The following CYP2C8 variants were observed in gnomAD, a reference collection of about 807,000 sequenced individuals.
CYP2C8 encodes cytochrome P450 family 2 subfamily C member 8, also known as cytochrome P450 2C8.
A neutral mutation model predicts 41.3 loss-of-function variants in CYP2C8; 51 were observed. The ratio of observed to expected loss-of-function variants is 1.24; its 90% CI spans 0.99 to 1.56. CYP2C8 has a LOEUF of 1.56. Ranked by LOEUF, CYP2C8 falls within the 40% of genes most tolerant of loss-of-function variation. The probability of loss-of-function intolerance (pLI) is 0.00; values close to 1 mark genes in which losing one functional copy is unlikely to be tolerated. For synonymous variants in CYP2C8, 218 were observed against 205.8 expected (o/e 1.06, Z -0.51); for missense variants, 651 against 579.9 (o/e 1.12, Z -1.26).
chr10:95,040,200 A>G (rs1299570308), intron 7 of CYP2C8, among the ~76,000 whole-genome samples: 3 of 152,220 alleles, frequency 2.0e-5, no homozygotes, highest in African/African-American at 7.2e-5. Flanking sequence ...GTGTAAAAGA[A>G]AAATCTTTGT....
At position 95,043,064 on chromosome 10, in the gene CYP2C8, T is replaced by C; in HGVS notation, c.975A>G (p.Glu325=). Residue 325 remains glutamate, a synonymous_variant, in exon 7 of 9, where the codon GAA becomes GAG. Coordinates refer to ENST00000371270, the MANE Select transcript of CYP2C8 (RefSeq NM_000770.3). ...KHPEVTAKVQ[E]EIDHVIGRHR... ...GTCTGCCAATTACATGATCAATCTC[T>C]TCCTGGACTTTAGCTGACAAGACAC... 9 of 1,614,098 alleles carry C rather than the reference T, an allele frequency of 5.6e-6. No homozygotes were observed. The highest frequency in any genetic ancestry group is 6.8e-6 in the Non-Finnish European group (8 of 1,179,948).
chr10:95,048,131 T>A (rs1027006668), intron 5 of CYP2C8, among the ~76,000 whole-genome samples: 1 of 152,218 alleles, frequency 6.6e-6, no homozygotes, highest in South Asian at 2.1e-4. Context: ...TGTGTGCGTG[T>A]TTGTGAGTTG....
intron 5 of CYP2C8, among the ~76,000 whole-genome samples, chr10:95,051,756 A>G (rs927611003): frequency 3.3e-5 from 5 of 152,238 alleles, no homozygotes; most frequent in African/African-American, 1.2e-4. Flanking sequence ...AAATTGAAAA[A>G]TTTCTTGAAA....
rs754570400 is a variant in CYP2C8 at position 95,064,951 on chromosome 10, C to T, written c.491G>A (p.Cys164Tyr). The change falls in exon 4 of 9, where the codon TGT (cysteine) becomes TAT (tyrosine). Residue 164 changes from cysteine to tyrosine, a missense_variant. Physicochemically the swap from Cys to Tyr is radical, Grantham distance 194 (BLOSUM62 -2). Coordinates refer to ENST00000371270, the MANE Select transcript of CYP2C8 (RefSeq NM_000770.3). ...ACAGCCCAGGATGAAAGTGGGATCACAGGGTGAAGCTAAAGATTTAAAAAT... is the reference window on the plus strand; with the variant it reads ...ACAGCCCAGGATGAAAGTGGGATCATAGGGTGAAGCTAAAGATTTAAAAAT... ...EELRKTKASP[C>Y]DPTFILGCAP... is the part of the protein sequence containing the mutation. 31 of 1,531,862 alleles carry T rather than the reference C, an allele frequency of 2.0e-5. No individual in the cohort carries two copies. Among genetic ancestry groups the T allele is most frequent in the Middle Eastern group, 2.2e-4 (1 of 4,498 alleles). The allele number at this position is 1,531,862 out of a possible 1,614,324, so 94.9% of individuals were successfully genotyped here.
chr10:95,048,695 G>A (rs2098029602), intron 5 of CYP2C8, among the ~76,000 whole-genome samples: 1 of 152,164 alleles, frequency 6.6e-6, no homozygotes, highest in Non-Finnish European at 1.5e-5. Context: ...CAGCTAGGAG[G>A]TGGTTCTTGC....
rs941530941 is a variant in CYP2C8 at position 95,065,095 on chromosome 10, G to A, written c.482-135C>T. 6.5e-6 allele frequency: 5 copies of A among 772,004 alleles called. No homozygotes were observed. In the African/African-American group the frequency reaches 9.2e-5, roughly 14 times the overall value. 47.8% of individuals were successfully genotyped at this position (772,004 alleles called of 1,614,324 possible). On this transcript the variant is annotated intron_variant, in intron 3 of 8. Coordinates refer to ENST00000371270, the MANE Select transcript of CYP2C8 (RefSeq NM_000770.3). ...TTCCCCATGTGTCCAAAAAAAATCAGCATGGATGAAATAAACACATTACTT... is the reference window on the plus strand; with the variant it reads ...TTCCCCATGTGTCCAAAAAAAATCAACATGGATGAAATAAACACATTACTT...
rs994231972 is a variant in CYP2C8, at chr10:95,040,327, T to TA, written c.1150-1290dup. Among the ~76,000 whole-genome samples the TA allele has an allele frequency of 1.2e-4, 18 of 152,234 alleles. 1 individual carries two copies. The highest frequency in any genetic ancestry group is 6.2e-4 in the South Asian group (3 of 4,814). On this transcript the variant is annotated intron_variant, in intron 7 of 8. Coordinates refer to ENST00000371270, the MANE Select transcript of CYP2C8 (RefSeq NM_000770.3). ...CTGTGGATTGTAGTCCTAATCCTTG[T>TA]AAAAAAATCAGTGATAATTAGGGAA...
intron 7 of CYP2C8, chr10:95,040,986 A>G: frequency 2.2e-6 from 1 of 456,292 alleles, no homozygotes; most frequent in Non-Finnish European, 4.4e-6. Context: ...TGAGGAAGAA[A>G]AATTGCAGAC....
At chr10:95,050,765 C>A (rs991918098) in intron 5 of CYP2C8, among the ~76,000 whole-genome samples, 11 of 152,224 alleles carry the variant, frequency 7.2e-5, no homozygotes, top group Non-Finnish European at 1.2e-4. Flanking sequence ...AACTCATTTC[C>A]CATTTATTAA....
At chr10:95,066,145 A>AGTGTGT (rs1296689212) in intron 3 of CYP2C8, among the ~76,000 whole-genome samples, 5 of 114,604 alleles carry the variant, frequency 4.4e-5, no homozygotes, top group African/African-American at 1.8e-4. Context: ...AGAGAGAGAG[A>AGTGTGT]GAGAGAGAGT....
intron 7 of CYP2C8, among the ~76,000 whole-genome samples, chr10:95,040,523 A>G (rs747097856): frequency 3.3e-5 from 5 of 152,240 alleles, no homozygotes; most frequent in African/African-American, 4.8e-5. Flanking sequence ...CAACTAAAAC[A>G]TCTGGATGAA....
intron 4 of CYP2C8, among the ~76,000 whole-genome samples, chr10:95,063,425 T>C (rs1293303272): frequency 6.6e-6 from 1 of 152,272 alleles, no homozygotes; most frequent in Non-Finnish European, 1.5e-5. Flanking sequence ...TTCCATTTGA[T>C]TGAATCAACT....
chr10:95,055,511 A>G (rs997551529), intron 5 of CYP2C8, among the ~76,000 whole-genome samples: 5 of 146,944 alleles, frequency 3.4e-5, no homozygotes, highest in African/African-American at 1.0e-4. Flanking sequence ...GTGAACTAAA[A>G]CTATACAATT....
chr10:95,043,099 C>G (rs2033038819), intron 6 of CYP2C8, 22 bp from the exon 7 acceptor site: 2 of 1,611,466 alleles, frequency 1.2e-6, no homozygotes, highest in African/African-American at 1.3e-5. Flanking sequence ...CAAGAAAGAA[C>G]TGATGGAAAC....
intron 5 of CYP2C8, 109 bp from the exon 6 acceptor site, chr10:95,046,060 G>T: frequency 4.8e-6 from 6 of 1,239,428 alleles, no homozygotes; most frequent in Non-Finnish European, 6.9e-6. Flanking sequence ...AGAGATACTG[G>T]ACAGTACAGT....
At chr10:95,054,056 T>G (rs186945543) in intron 5 of CYP2C8, among the ~76,000 whole-genome samples, 126 of 152,196 alleles carry the variant, frequency 8.3e-4, no homozygotes, top group Non-Finnish European at 1.4e-3. Context: ...TGCCCTAAAA[T>G]CAGGGGGTAA....
intron 2 of CYP2C8, 47 bp from the exon 3 acceptor site, chr10:95,067,404 G>C (rs2033593987): frequency 3.1e-6 from 5 of 1,614,064 alleles, no homozygotes; most frequent in Non-Finnish European, 4.2e-6. Flanking sequence ...AGCCAAGGAA[G>C]AAAGTGCTGC....
chr10:95,040,821 G>A (rs2032979138), intron 7 of CYP2C8: 2 of 439,880 alleles, frequency 4.5e-6, no homozygotes, highest in Non-Finnish European at 4.5e-6. Flanking sequence ...TGAGCCATAG[G>A]TTTTTAGGCA....
intron 4 of CYP2C8, among the ~76,000 whole-genome samples, chr10:95,060,894 G>C (rs955302735): frequency 2.6e-5 from 4 of 152,176 alleles, no homozygotes; most frequent in Non-Finnish European, 5.9e-5. Flanking sequence ...TGCATCTATT[G>C]AGATAATCAT....
Sources: allele counts gnomAD v4.1 joint callset (sites outside exome capture counted in the v4.1 genomes callset), GRCh38; gene constraint gnomAD v4.1.1; transcripts MANE v1.5; gene names NCBI Gene and HGNC (gene_info 2026-07-23, HGNC 2026-07-21).